Variants in NRXN1 observed in about 807,000 individuals in gnomAD.
The protein encoded by NRXN1 is neurexin 1.
A neutral mutation model predicts 150.9 loss-of-function variants in NRXN1; 39 were observed. That is an observed-to-expected ratio of 0.26 (90% CI 0.20 to 0.34). The LOEUF (loss-of-function observed/expected upper bound fraction) is 0.34. Among genes scored for constraint, NRXN1 ranks in the 10% least tolerant of loss-of-function variants. The pLI is 1.00. For synonymous variants in NRXN1, 924 were observed against 757.0 expected (o/e 1.22, Z -3.62); for missense variants, 1,815 against 1,949.9 (o/e 0.93, Z 1.30).
At chr2:49,996,076 A>T (rs966514379) in intron 21 of NRXN1, among the ~76,000 whole-genome samples, 6 of 152,144 alleles carry the variant, frequency 3.9e-5, no homozygotes, top group African/African-American at 1.4e-4. Context: ...AATGAGACAC[A>T]GAAAATGCCT....
At chr2:50,362,866 C>G (rs989962211) in intron 17 of NRXN1, among the ~76,000 whole-genome samples, 1 of 152,168 alleles carries the variant, frequency 6.6e-6, no homozygotes, top group Non-Finnish European at 1.5e-5. Flanking sequence ...GTAACCAAAA[C>G]AGCATGGTAC....
chr2:50,539,064 C>A, intron 9 of NRXN1, among the ~76,000 whole-genome samples: 1 of 152,172 alleles, frequency 6.6e-6, no homozygotes, highest in East Asian at 1.9e-4. Flanking sequence ...CCTATTTTAA[C>A]TGACTTGATT....
intron 5 of NRXN1, among the ~76,000 whole-genome samples, chr2:50,854,906 G>T (rs1675046976): frequency 6.6e-6 from 1 of 151,968 alleles, no homozygotes; most frequent in African/African-American, 2.4e-5. Flanking sequence ...AGCCTGGACA[G>T]GTTTTTCAAA....
intron 17 of NRXN1, among the ~76,000 whole-genome samples, chr2:50,294,360 A>G (rs2073309345): frequency 6.6e-6 from 1 of 152,238 alleles, no homozygotes; most frequent in African/African-American, 2.4e-5. Context: ...TATTTACAGT[A>G]TCTGAAAACA....
chr2:50,968,348 T>G (rs1360559902), intron 2 of NRXN1, among the ~76,000 whole-genome samples: 14 of 152,134 alleles, frequency 9.2e-5, no homozygotes, highest in Admixed American at 9.2e-4. Flanking sequence ...TCAGATCTCC[T>G]ACACCCTGTG....
At chr2:50,981,421 G>A (rs1417727749) in intron 2 of NRXN1, among the ~76,000 whole-genome samples, 1 of 123,480 alleles carries the variant, frequency 8.1e-6, no homozygotes, top group Non-Finnish European at 1.6e-5. Context: ...TCGCACCACT[G>A]CAGTCCAGCC....
intron 5 of NRXN1, among the ~76,000 whole-genome samples, chr2:50,837,014 G>C (rs909397521): frequency 6.6e-6 from 1 of 151,972 alleles, no homozygotes; most frequent in African/African-American, 2.4e-5. Flanking sequence ...ATTTCCAAAA[G>C]AGTAAATCCC....
chr2:50,308,387 T>TG (rs2074845514), intron 17 of NRXN1, among the ~76,000 whole-genome samples: 2 of 152,182 alleles, frequency 1.3e-5, no homozygotes, highest in Admixed American at 6.5e-5. Flanking sequence ...TGGAGTGCAG[T>TG]GGTGCTCCTT....
At chr2:50,084,296 G>A (rs1185951266) in intron 19 of NRXN1, among the ~76,000 whole-genome samples, 1 of 152,322 alleles carries the variant, frequency 6.6e-6, no homozygotes, top group Admixed American at 6.5e-5. Context: ...CCGTGGCGGG[G>A]GGACACTGGG....
intron 5 of NRXN1, among the ~76,000 whole-genome samples, chr2:50,640,893 C>T (rs1234887724): frequency 1.3e-5 from 2 of 151,840 alleles, no homozygotes; most frequent in Admixed American, 6.6e-5. Flanking sequence ...AGGCAACTGT[C>T]GATATTATAT....
intron 5 of NRXN1, among the ~76,000 whole-genome samples, chr2:50,731,348 T>C (rs1322354063): frequency 6.6e-6 from 1 of 152,236 alleles, no homozygotes; most frequent in East Asian, 1.9e-4. Flanking sequence ...AAAATAAGTT[T>C]ATTCTGATTA....
intron 2 of NRXN1, among the ~76,000 whole-genome samples, chr2:50,957,800 T>G (rs1417693508): frequency 7.9e-5 from 12 of 152,174 alleles, no homozygotes; most frequent in Admixed American, 7.9e-4. Flanking sequence ...AATGAAATTA[T>G]AATACATTTC....
intron 5 of NRXN1, among the ~76,000 whole-genome samples, chr2:50,660,038 GGT>G (rs1687066702): frequency 1.3e-5 from 2 of 151,986 alleles, no homozygotes; most frequent in East Asian, 3.9e-4. Context: ...AACAGTGCTT[GGT>G]GTTCAGGGGG....
chr2:50,254,999 G>A (rs944271413), intron 17 of NRXN1, among the ~76,000 whole-genome samples: 2 of 151,972 alleles, frequency 1.3e-5, no homozygotes, highest in Non-Finnish European at 2.9e-5. Flanking sequence ...GTTGAGATGT[G>A]GTTTTGCCAT....
chr2:50,210,734 C>CAGT (rs1425560484), intron 18 of NRXN1, among the ~76,000 whole-genome samples: 1 of 151,146 alleles, frequency 6.6e-6, no homozygotes, highest in Non-Finnish European at 1.5e-5. Context: ...CATTTTAAAG[C>CAGT]AGTAGTAGAA....
At chr2:49,997,244 T>G (rs1266878177) in intron 21 of NRXN1, among the ~76,000 whole-genome samples, 2 of 152,154 alleles carry the variant, frequency 1.3e-5, no homozygotes, top group East Asian at 3.9e-4. Context: ...AAATTTATTA[T>G]AGCTCACAAA....
intron 17 of NRXN1, among the ~76,000 whole-genome samples, chr2:50,325,370 C>G (rs149607910): frequency 4.5e-3 from 678 of 152,322 alleles, no homozygotes; most frequent in Non-Finnish European, 7.3e-3. Context: ...AGAAGTTTGT[C>G]ATGCCCCCCA....
intron 8 of NRXN1, among the ~76,000 whole-genome samples, chr2:50,585,333 G>A (rs1176786209): frequency 6.6e-6 from 1 of 152,114 alleles, no homozygotes; most frequent in Non-Finnish European, 1.5e-5. Context: ...CAACTCCAGA[G>A]AAACAGAAAG....
intron 5 of NRXN1, among the ~76,000 whole-genome samples, chr2:50,815,456 T>G (rs970776514): frequency 1.3e-5 from 2 of 152,196 alleles, no homozygotes; most frequent in African/African-American, 4.8e-5. Flanking sequence ...GAGAATTATA[T>G]TTCAAGCATT....
Sources: allele counts gnomAD v4.1 joint callset (sites outside exome capture counted in the v4.1 genomes callset), GRCh38; gene constraint gnomAD v4.1.1; transcripts MANE v1.5; gene names NCBI Gene and HGNC (gene_info 2026-07-23, HGNC 2026-07-21).